COL7A1: variants seen among roughly 807,000 people sequenced by gnomAD.
COL7A1 encodes the protein collagen alpha-1(VII) chain.
In COL7A1, 296 loss-of-function variants were observed where a neutral mutation model predicts 456.2. The observed-to-expected ratio is 0.65, with a 90% CI of 0.59 to 0.71. The LOEUF is 0.71. Among genes scored for constraint, COL7A1 ranks in the 30% least tolerant of loss-of-function variants. COL7A1 has a pLI of 0.00. For missense variants in COL7A1, 3,441 were observed against 4,017.2 expected (o/e 0.86, Z 3.88); for synonymous variants, 1,464 against 1,525.9 (o/e 0.96, Z 0.95).
In COL7A1 at chr3:48,580,797, A is replaced by G; in HGVS notation, c.4980+85T>C. On this transcript the variant is annotated intron_variant, in intron 54 of 118. Transcript: ENST00000681320. This position sits in a 1 kb window ranked among gnomAD's most constrained non-coding sequence, Gnocchi z 4.5. ...CCCATGCCTCCCTGCAGGGACTCCCATCACCCCTTACCCCCCTCAGCCTTT... is the reference window on the plus strand; with the variant it reads ...CCCATGCCTCCCTGCAGGGACTCCCGTCACCCCTTACCCCCCTCAGCCTTT... 1 of 1,585,796 alleles carries G rather than the reference A, an allele frequency of 6.3e-7. No homozygotes were observed. Among genetic ancestry groups the G allele is most frequent in the South Asian group, 1.1e-5 (1 of 90,378 alleles).
intron 65 of COL7A1, 83 bp from the exon 66 acceptor site, chr3:48,577,110 G>A (rs2044365824): frequency 6.4e-7 from 1 of 1,564,524 alleles, no homozygotes; most frequent in Non-Finnish European, 8.8e-7. Flanking sequence ...TCAGATGACT[G>A]TGACTGTATT....
In COL7A1 at chr3:48,589,593, C is replaced by T. The variant is rs2045548463; in HGVS notation, c.2170+6G>A. 1 of 1,613,388 alleles carries T rather than the reference C, an allele frequency of 6.2e-7. No individual in the cohort carries two copies. Among genetic ancestry groups the T allele is most frequent in the Non-Finnish European group, 8.5e-7 (1 of 1,179,942 alleles). Reference sequence around the variant, plus strand: ...GACCTGCCCCCTCCCAAACCCCAGTCCCCACCGTGGGCTGAGTGCCAGGAA... The same window carrying T: ...GACCTGCCCCCTCCCAAACCCCAGTTCCCACCGTGGGCTGAGTGCCAGGAA... On this transcript the variant is annotated splice_donor_region_variant and intron_variant, in intron 17 of 118. Transcript: ENST00000681320.
rs754477063 is a variant in COL7A1, at chr3:48,592,317, C to G, written c.1093+34G>C. The G allele has an allele frequency of 6.2e-7, 1 of 1,613,390 alleles. No individual in the cohort carries two copies. Among genetic ancestry groups the G allele is most frequent in the Admixed American group, 1.7e-5 (1 of 60,022 alleles). On this transcript the variant is annotated intron_variant, in intron 9 of 118. Transcript: ENST00000681320. The surrounding 1 kb of genome is among the most constrained non-coding windows in gnomAD (Gnocchi z 7.6). Reference sequence around the variant, plus strand: ...GGACTCTACAGCCTTGTCTGAGGCGCGGGGACTCCCCTCAGCCCACATCTC... The same window carrying G: ...GGACTCTACAGCCTTGTCTGAGGCGGGGGGACTCCCCTCAGCCCACATCTC...
chr3:48,589,132 G>A, intron 18 of COL7A1, 137 bp from the exon 19 acceptor site: 3 of 1,514,098 alleles, frequency 2.0e-6, no homozygotes, highest in Non-Finnish European at 2.7e-6. Context: ...AGGAGGAGGA[G>A]GTCAGTGCCT....
At position 48,594,438 on chromosome 3, in the gene COL7A1, GCA is replaced by G. The variant is rs1450733982; in HGVS notation, c.194_195del (p.Val65AlafsTer22). On this transcript the variant is annotated frameshift_variant, in exon 3 of 119. Transcript: ENST00000681320. LOFTEE classifies it high-confidence loss of function. The surrounding 1 kb of genome is among the most constrained non-coding windows in gnomAD (Gnocchi z 5.5). ...GCACTGGCTGCTCCAGAGAAAGGCA[GCA>G]CCAGCCCTTCGAGAAAGCTGCGGAC... ...REVRSFLEGLVLPFSGAASAQ... is the reference protein window; with the variant it reads ...REVRSFLEGLXLPFSGAASAQ... 6.2e-7 allele frequency: 1 copy of G among 1,612,160 alleles called. No homozygotes were observed. Among genetic ancestry groups the G allele is most frequent in the South Asian group, 1.1e-5 (1 of 91,002 alleles).
Position 48,565,392 on chromosome 3 carries a change from G to T in COL7A1, c.8527+18C>A. 2 of 1,596,182 alleles carry T rather than the reference G, an allele frequency of 1.3e-6. No homozygotes were observed. Among genetic ancestry groups the T allele is most frequent in the South Asian group, 1.1e-5 (1 of 88,886 alleles). ...TCGGCCCCACCCATAGCTGCCCCAC[G>T]GGTTCAGCTGTCCTCACCTTCCTCC... is the stretch of plus-strand genomic sequence containing the variant. On this transcript the variant is annotated intron_variant, in intron 116 of 118. Transcript: ENST00000681320. This position sits in a 1 kb window ranked among gnomAD's most constrained non-coding sequence, Gnocchi z 4.5.
At position 48,590,668 on chromosome 3, in the gene COL7A1, C is replaced by T. The variant is rs1449004088; in HGVS notation, c.1780+5G>A. 2 of 1,613,988 alleles carry T rather than the reference C, an allele frequency of 1.2e-6. No individual in the cohort carries two copies. Among genetic ancestry groups the T allele is most frequent in the Admixed American group, 1.7e-5 (1 of 60,028 alleles). ...TGTCCTCCACAAGCCTCCTGCAGTA[C>T]TCACCCCGGCGGACAGTGAGGACAC... On this transcript the variant is annotated splice_donor_5th_base_variant and intron_variant, in intron 14 of 118. Coordinates refer to ENST00000681320, the MANE Select transcript of COL7A1 (RefSeq NM_000094.4). The surrounding 1 kb of genome is among the most constrained non-coding windows in gnomAD (Gnocchi z 4.6).
Position 48,574,082 on chromosome 3 carries a change from CACAGACACAG to C in COL7A1, c.6501+170_6501+179del, listed in dbSNP as rs977700759. ...ACACACACATCCACATACAACCACACACAGACACAGGCACACACAGGCACACACAGACACA... is the reference window on the plus strand; with the variant it reads ...ACACACACATCCACATACAACCACACGCACACACAGGCACACACAGACACA... On this transcript the variant is annotated intron_variant, in intron 80 of 118. Coordinates refer to ENST00000681320, the MANE Select transcript of COL7A1 (RefSeq NM_000094.4). This position sits in a 1 kb window ranked among gnomAD's most constrained non-coding sequence, Gnocchi z 5.0. Among the ~76,000 whole-genome samples, 8 of 151,940 alleles carry C rather than the reference CACAGACACAG, an allele frequency of 5.3e-5. No individual in the cohort carries two copies. The highest frequency in any genetic ancestry group is 7.4e-5 in the Non-Finnish European group (5 of 67,976).
In COL7A1 at chr3:48,587,733, G is replaced by T. The variant is rs1490291652; in HGVS notation, c.2857+60C>A. On this transcript the variant is annotated intron_variant, in intron 22 of 118. Transcript: ENST00000681320. This position sits in a 1 kb window ranked among gnomAD's most constrained non-coding sequence, Gnocchi z 6.1. ...AGGAGGAGTCACTCAGAGTCGGGGT[G>T]CAGGAAGTCAGGGTGGGTCATCAGC... is the stretch of plus-strand genomic sequence containing the variant. The T allele has an allele frequency of 1.7e-5, 27 of 1,612,296 alleles. No individual in the cohort carries two copies. In the East Asian group the frequency reaches 6.0e-4, roughly 36 times the overall value.
At position 48,576,998 on chromosome 3, in the gene COL7A1, C is replaced by G. The variant is rs1484448603; in HGVS notation, c.5562G>C (p.Gly1854=). The G allele has an allele frequency of 1.2e-6, 2 of 1,613,996 alleles. No homozygotes were observed. The highest frequency in any genetic ancestry group is 1.6e-4 in the Middle Eastern group (1 of 6,062). ...CCCAGGTGGGGGACTTTACCTTCCT[C>G]CCGTCTTCTCCAGGGTCCCCAGGTT... is the stretch of plus-strand genomic sequence containing the variant. The part of the protein sequence containing the change: ...NGEPGDPGED[G]RKGEKGDSGA... Residue 1854 remains glycine, a synonymous_variant, in exon 66 of 119, where the codon GGG becomes GGC. Coordinates refer to ENST00000681320, the MANE Select transcript of COL7A1 (RefSeq NM_000094.4).
rs1417118852 is a variant in COL7A1, at chr3:48,567,707, C to T, written c.7983+3G>A. 2 of 1,614,116 alleles carry T rather than the reference C, an allele frequency of 1.2e-6. No individual in the cohort carries two copies. The highest frequency in any genetic ancestry group is 2.2e-5 in the South Asian group (2 of 91,084). On this transcript the variant is annotated splice_donor_region_variant and intron_variant, in intron 108 of 118. Coordinates refer to ENST00000681320, the MANE Select transcript of COL7A1 (RefSeq NM_000094.4). This position sits in a 1 kb window ranked among gnomAD's most constrained non-coding sequence, Gnocchi z 4.3. ...CCCTCATTCTGAGCGTGCCCACACT[C>T]ACCATCTCTCCTTTGTGTCCTGCCA...
chr3:48,589,310 G>C lies in COL7A1; in HGVS notation c.2314+17C>G, dbSNP rs372543048. ...AGCTAATGCGGTGTGGCTAGTAGCT[G>C]GCCAGGGTCCACTCACCAGTCCTCA... On this transcript the variant is annotated intron_variant, in intron 18 of 118. Transcript: ENST00000681320. 4 of 1,611,684 alleles carry C rather than the reference G, an allele frequency of 2.5e-6. No individual in the cohort carries two copies. The highest frequency in any genetic ancestry group is 3.4e-6 in the Non-Finnish European group (4 of 1,179,942).
At position 48,570,871 on chromosome 3, in the gene COL7A1, C is replaced by T; in HGVS notation, c.7262G>A (p.Ser2421Asn). The T allele has an allele frequency of 6.2e-7, 1 of 1,612,078 alleles. No homozygotes were observed. Among genetic ancestry groups the T allele is most frequent in the African/African-American group, 1.3e-5 (1 of 75,016 alleles). ...TTCCCAGCCCCTCACCCGCTCTCCA[C>T]TAGGGCCTGGCTGACCCATCTCTCC... ...PRGEMGQPGP[S>N]GERGLAGPPG... The change falls in exon 95 of 119, where the codon AGT becomes AAT. Residue 2421 changes from serine (S) to asparagine (N), a missense_variant. Ser to Asn is a conservative substitution (Grantham distance 46). Transcript: ENST00000681320. The surrounding 1 kb of genome is among the most constrained non-coding windows in gnomAD (Gnocchi z 5.5).
In COL7A1 at chr3:48,567,842, TCTCCCTTCTCTCCATCAAGGCCACAGG is replaced by T; in HGVS notation, c.7898_7924del (p.Ala2633_Gly2641del). On this transcript the variant is annotated inframe_deletion, in exon 107 of 119. Transcript: ENST00000681320. The surrounding 1 kb of genome is among the most constrained non-coding windows in gnomAD (Gnocchi z 4.3). ...CAGCCCCCATCCCCTCTGTACCTTGTCTCCCTTCTCTCCATCAAGGCCACAGGCTCCCTTCACTCCCCGTTCACCCTG... is the reference window on the plus strand; with the variant it reads ...CAGCCCCCATCCCCTCTGTACCTTGTCTCCCTTCACTCCCCGTTCACCCTG... The T allele has an allele frequency of 6.2e-7, 1 of 1,614,028 alleles. No individual in the cohort carries two copies. Among genetic ancestry groups the T allele is most frequent in the Non-Finnish European group, 8.5e-7 (1 of 1,180,006 alleles).
chr3:48,581,910 C>T lies in COL7A1; in HGVS notation c.4668+1G>A, dbSNP rs1317431984. ...CTCCCCTTGCCCCATACCAGGCTTA[C>T]CTTTTCTCCTTTGGGTCCAGCAACA... is the stretch of plus-strand genomic sequence containing the variant. On this transcript the variant is annotated splice_donor_variant, in intron 48 of 118. Transcript: ENST00000681320. LOFTEE classifies it high-confidence loss of function. The surrounding 1 kb of genome is among the most constrained non-coding windows in gnomAD (Gnocchi z 5.8). 1.2e-6 allele frequency: 2 copies of T among 1,614,092 alleles called. No homozygotes were observed. Among genetic ancestry groups the T allele is most frequent in the East Asian group, 2.2e-5 (1 of 44,882 alleles).
In COL7A1 at chr3:48,584,046, G is replaced by A. The variant is rs2045011824; in HGVS notation, c.4213C>T (p.Arg1405Cys). The part of the protein sequence containing the change: ...GTAMKGDKGD[R>C]GERGPPGPGE... ...TGTCCCTCACTTACCCGCTCCCCACGATCGCCTTTGTCACCCTAGAAAACA... is the reference window on the plus strand; with the variant it reads ...TGTCCCTCACTTACCCGCTCCCCACAATCGCCTTTGTCACCCTAGAAAACA... Residue 1405 changes from arginine to cysteine, a missense_variant, in exon 38 of 119, where the codon CGT (arginine) becomes TGT (cysteine). Arg to Cys is a radical substitution (Grantham distance 180). Transcript: ENST00000681320. The A allele has an allele frequency of 3.1e-6, 5 of 1,613,984 alleles. No individual in the cohort carries two copies. The highest frequency in any genetic ancestry group is 2.2e-5 in the South Asian group (2 of 91,082).
Position 48,585,664 on chromosome 3 carries a change from C to A in COL7A1, c.3831+26G>T. 1 of 1,614,014 alleles carries A rather than the reference C, an allele frequency of 6.2e-7. No individual in the cohort carries two copies. The highest frequency in any genetic ancestry group is 8.5e-7 in the Non-Finnish European group (1 of 1,180,000). On this transcript the variant is annotated intron_variant, in intron 31 of 118. Transcript: ENST00000681320. This position sits in a 1 kb window ranked among gnomAD's most constrained non-coding sequence, Gnocchi z 4.5. The stretch of plus-strand genomic sequence containing the variant: ...AGGTGGGGATAAGCCAGTCAGGGTG[C>A]AGGGACAGATGTGGGGGACACTCAC...
At chr3:48,576,173 A>C (rs1045177652) in intron 71 of COL7A1, 76 bp downstream of exon 71, 25 of 1,600,504 alleles carry the variant, frequency 1.6e-5, no homozygotes, top group Non-Finnish European at 2.0e-5. Flanking sequence ...GCCTCATGGC[A>C]AGGGGAAGGG....
At position 48,568,352 on chromosome 3, in the gene COL7A1, G is replaced by A; in HGVS notation, c.7794+147C>T. The A allele has an allele frequency of 1.9e-6, 2 of 1,049,376 alleles. No individual in the cohort carries two copies. Among genetic ancestry groups the A allele is most frequent in the Non-Finnish European group, 1.4e-6 (1 of 695,696 alleles). The allele number at this position is 1,049,376 out of a possible 1,614,324, so 65.0% of individuals were successfully genotyped here. On this transcript the variant is annotated intron_variant, in intron 105 of 118. Coordinates refer to ENST00000681320, the MANE Select transcript of COL7A1 (RefSeq NM_000094.4). The surrounding 1 kb of genome is among the most constrained non-coding windows in gnomAD (Gnocchi z 5.2). ...GGGGACACCATCATAGGCGGCTACT[G>A]TGGAGGTGGGGGACCCTGGGTGACA... is the stretch of plus-strand genomic sequence containing the variant.
Sources: allele counts gnomAD v4.1 joint callset (sites outside exome capture counted in the v4.1 genomes callset), GRCh38; gene constraint gnomAD v4.1.1; non-coding constraint Gnocchi (gnomAD v3.1); transcripts MANE v1.5; gene names NCBI Gene and HGNC (gene_info 2026-07-23, HGNC 2026-07-21).